Variants in CPNE4 observed in about 807,000 individuals in gnomAD.
CPNE4 encodes the protein copine-4.
A neutral mutation model predicts 67.9 loss-of-function variants in CPNE4; 25 were observed. That is an observed-to-expected ratio of 0.37 (90% confidence interval 0.27 to 0.51). CPNE4 has a LOEUF of 0.51. Ranked by LOEUF, CPNE4 falls within the 20% of genes least tolerant of loss-of-function variation. The pLI is 0.93. For synonymous variants in CPNE4, 242 were observed against 244.9 expected (o/e 0.99, Z 0.11); for missense variants, 464 against 690.8 (o/e 0.67, Z 3.68).
At chr3:131,800,064 G>A (rs554101612) in intron 2 of CPNE4, among the ~76,000 whole-genome samples, 3 of 152,014 alleles carry the variant, frequency 2.0e-5, no homozygotes, top group Admixed American at 6.6e-5. Flanking sequence ...TGATGCTGAG[G>A]TTTGGGCTTC....
chr3:131,737,513 C>T (rs1345092591), intron 2 of CPNE4, among the ~76,000 whole-genome samples: 1 of 152,130 alleles, frequency 6.6e-6, no homozygotes, highest in Non-Finnish European at 1.5e-5. Context: ...AATTTCCCAT[C>T]ACACTATCAT....
intron 8 of CPNE4, among the ~76,000 whole-genome samples, chr3:131,585,676 A>C (rs181769578): frequency 1.5e-4 from 23 of 152,340 alleles, no homozygotes; most frequent in African/African-American, 5.0e-4. Context: ...GCAAAACTTT[A>C]TAAAACTTTT....
intron 7 of CPNE4, among the ~76,000 whole-genome samples, chr3:131,651,472 A>G (rs958938309): frequency 7.2e-5 from 11 of 152,232 alleles, no homozygotes; most frequent in African/African-American, 2.7e-4. Context: ...TAGAAGATCA[A>G]TTGAACCTGT....
At chr3:131,708,437 TC>T (rs1215257541) in intron 3 of CPNE4, among the ~76,000 whole-genome samples, 1 of 151,668 alleles carries the variant, frequency 6.6e-6, no homozygotes, top group Admixed American at 6.6e-5. Flanking sequence ...CAAAGAAGAG[TC>T]CTGAGCTAAG....
intron 5 of CPNE4, among the ~76,000 whole-genome samples, chr3:131,691,013 C>T (rs924422816): frequency 6.6e-6 from 1 of 152,116 alleles, no homozygotes; most frequent in African/African-American, 2.4e-5. Context: ...GATACCATCT[C>T]GCACCAGTCA....
chr3:132,010,170 C>T lies in CPNE4; in HGVS notation c.-2+24397G>A, dbSNP rs545826615. Among the ~76,000 whole-genome samples the T allele has an allele frequency of 6.6e-5, 10 of 152,272 alleles. No homozygotes were observed. The South Asian group carries it at 1.7e-3, about 25-fold the overall frequency. On this transcript the variant is annotated intron_variant, in intron 1 of 15. Transcript: ENST00000429747. ...TAGCTCTATGGCCTTGGGCAGATTGCCTAACTTCAGTGAATCTCAGTTTCC... is the reference window on the plus strand; with the variant it reads ...TAGCTCTATGGCCTTGGGCAGATTGTCTAACTTCAGTGAATCTCAGTTTCC...
At chr3:131,622,154 A>G (rs1465558115) in intron 7 of CPNE4, among the ~76,000 whole-genome samples, 2 of 151,964 alleles carry the variant, frequency 1.3e-5, no homozygotes, top group Non-Finnish European at 2.9e-5. Flanking sequence ...TAACTCAGAG[A>G]CGGTTTATTA....
rs190141759 is a variant in CPNE4, at chr3:131,783,978, C to T, written c.181-60353G>A. ...AAGTACGGTGAGAAGTCCCAAAGTTCTGACACCATAGGAAAGTAATTTGAA... is the reference window on the plus strand; with the variant it reads ...AAGTACGGTGAGAAGTCCCAAAGTTTTGACACCATAGGAAAGTAATTTGAA... On this transcript the variant is annotated intron_variant, in intron 2 of 15. Transcript: ENST00000429747. 3.0e-3 allele frequency among the ~76,000 whole-genome samples: 455 copies of T among 152,220 alleles called. 1 individual carries two copies. The highest frequency in any genetic ancestry group is 5.5e-3 in the Non-Finnish European group (374 of 68,002).
At chr3:131,838,859 A>G (rs1022147716) in intron 2 of CPNE4, among the ~76,000 whole-genome samples, 4 of 151,880 alleles carry the variant, frequency 2.6e-5, no homozygotes, top group Non-Finnish European at 5.9e-5. Flanking sequence ...ATGTGAATGT[A>G]TTTAGTAAAT....
intron 1 of CPNE4, among the ~76,000 whole-genome samples, chr3:131,995,749 C>T (rs2073275459): frequency 6.6e-6 from 1 of 152,198 alleles, no homozygotes; most frequent in African/African-American, 2.4e-5. Context: ...ATGATGACTA[C>T]TTTCTGAGCA....
At chr3:131,833,921 A>G (rs2085466520) in intron 2 of CPNE4, among the ~76,000 whole-genome samples, 1 of 152,246 alleles carries the variant, frequency 6.6e-6, no homozygotes, top group Non-Finnish European at 1.5e-5. Context: ...CTTCTGTACA[A>G]AAGCCAGAGC....
intron 2 of CPNE4, among the ~76,000 whole-genome samples, chr3:131,769,113 C>G (rs961419079): frequency 1.8e-4 from 27 of 152,160 alleles, no homozygotes; most frequent in African/African-American, 6.0e-4. Flanking sequence ...TTTTCCCTTG[C>G]TTATGGATTC....
intron 2 of CPNE4, among the ~76,000 whole-genome samples, chr3:131,810,350 T>C (rs993286872): frequency 6.6e-6 from 1 of 151,976 alleles, no homozygotes; most frequent in Non-Finnish European, 1.5e-5. Flanking sequence ...TACAACTCAA[T>C]AGCATACACA....
chr3:131,979,724 C>T (rs1263226734), intron 1 of CPNE4, among the ~76,000 whole-genome samples: 1 of 151,886 alleles, frequency 6.6e-6, no homozygotes, highest in Non-Finnish European at 1.5e-5. Flanking sequence ...ATTCATCATG[C>T]TGTTTGTTGC....
At chr3:131,583,731 G>A (rs889499179) in intron 8 of CPNE4, among the ~76,000 whole-genome samples, 1 of 152,172 alleles carries the variant, frequency 6.6e-6, no homozygotes, top group Non-Finnish European at 1.5e-5. Flanking sequence ...TGATGGACCA[G>A]ATCTAAATAG....
chr3:131,896,504 C>T (rs555831601), intron 2 of CPNE4, among the ~76,000 whole-genome samples: 1 of 152,016 alleles, frequency 6.6e-6, no homozygotes, highest in East Asian at 1.9e-4. Flanking sequence ...CAAAGGTGAA[C>T]TCTAATAGGG....
At chr3:131,746,733 A>G (rs927197542) in intron 2 of CPNE4, among the ~76,000 whole-genome samples, 1 of 152,186 alleles carries the variant, frequency 6.6e-6, no homozygotes, top group African/African-American at 2.4e-5. Context: ...CAATAGAGAT[A>G]GGAGTGCAGA....
intron 2 of CPNE4, among the ~76,000 whole-genome samples, chr3:131,861,070 T>C (rs1036747882): frequency 3.3e-5 from 5 of 152,200 alleles, no homozygotes; most frequent in African/African-American, 1.2e-4. Flanking sequence ...AATATTTCCA[T>C]TTTAGACTTT....
intron 6 of CPNE4, among the ~76,000 whole-genome samples, chr3:131,670,765 T>A (rs2080390149): frequency 6.6e-6 from 1 of 152,168 alleles, no homozygotes; most frequent in Non-Finnish European, 1.5e-5. Context: ...TCTGTCATAT[T>A]GATTTTTCTA....
Sources: allele counts gnomAD v4.1 joint callset (sites outside exome capture counted in the v4.1 genomes callset), GRCh38; gene constraint gnomAD v4.1.1; transcripts MANE v1.5; gene names NCBI Gene and HGNC (gene_info 2026-07-23, HGNC 2026-07-21).